FRMD5: variants seen among roughly 807,000 people sequenced by gnomAD.
FRMD5 encodes FERM domain-containing protein 5.
A neutral mutation model predicts 69.0 loss-of-function variants in FRMD5; 20 were observed. The ratio of observed to expected loss-of-function variants is 0.29; its 90% CI spans 0.20 to 0.42. The LOEUF (loss-of-function observed/expected upper bound fraction) is 0.42. FRMD5 is among the 10% of genes least tolerant of loss of function. The pLI, the probability that FRMD5 is intolerant of heterozygous loss-of-function variation, is 1.00. For synonymous variants in FRMD5, 271 were observed against 260.1 expected (o/e 1.04, Z -0.40); for missense variants, 595 against 708.6 (o/e 0.84, Z 1.82).
At chr15:44,025,260 C>T (rs1891380606) in intron 1 of FRMD5, among the ~76,000 whole-genome samples, 1 of 151,976 alleles carries the variant, frequency 6.6e-6, no homozygotes, top group South Asian at 2.1e-4. Context: ...TAATTAAATG[C>T]TATTGGAATG....
chr15:44,116,226 TAGAGAGAG>T (rs568214784), intron 1 of FRMD5, among the ~76,000 whole-genome samples: 4 of 148,288 alleles, frequency 2.7e-5, no homozygotes, highest in East Asian at 2.0e-4. Flanking sequence ...TATATATATA[TAGAGAGAG>T]AGAGAGAGGG....
chr15:43,961,725 C>T (rs2090204612), intron 1 of FRMD5, among the ~76,000 whole-genome samples: 1 of 152,184 alleles, frequency 6.6e-6, no homozygotes, highest in African/African-American at 2.4e-5. Flanking sequence ...TGGGCTTCAT[C>T]CCTGGGATGC....
intron 1 of FRMD5, among the ~76,000 whole-genome samples, chr15:44,155,066 A>G (rs2077505311): frequency 6.6e-6 from 1 of 152,222 alleles, no homozygotes; most frequent in Non-Finnish European, 1.5e-5. Context: ...TCATACATCT[A>G]TCAGCTAAAA....
intron 1 of FRMD5, among the ~76,000 whole-genome samples, chr15:44,120,315 G>T (rs1347193339): frequency 6.6e-6 from 1 of 152,122 alleles, no homozygotes; most frequent in Non-Finnish European, 1.5e-5. Context: ...CTGGAGCTCA[G>T]GCAAAAATAA....
At chr15:43,931,861 C>A (rs2089682290) in intron 1 of FRMD5, among the ~76,000 whole-genome samples, 1 of 152,128 alleles carries the variant, frequency 6.6e-6, no homozygotes, top group African/African-American at 2.4e-5. Context: ...CTTTTCAACT[C>A]TCCTATCAGG....
At chr15:43,964,212 T>C (rs1353597911) in intron 1 of FRMD5, among the ~76,000 whole-genome samples, 3 of 152,092 alleles carry the variant, frequency 2.0e-5, no homozygotes, top group Admixed American at 2.0e-4. Context: ...ATTTAAGAAA[T>C]GGCACACTAG....
chr15:44,028,343 G>T (rs1595643444), intron 1 of FRMD5, among the ~76,000 whole-genome samples: 1 of 152,222 alleles, frequency 6.6e-6, no homozygotes, highest in African/African-American at 2.4e-5. Flanking sequence ...TCCAGACTAT[G>T]CGAGATGGAA....
intron 1 of FRMD5, among the ~76,000 whole-genome samples, chr15:44,189,656 A>T (rs2078161762): frequency 6.6e-6 from 1 of 151,986 alleles, no homozygotes; most frequent in Admixed American, 6.6e-5. Flanking sequence ...ACACCTGGCT[A>T]ATTTTTGTAT....
chr15:43,932,139 C>T (rs951638989), intron 1 of FRMD5, among the ~76,000 whole-genome samples: 8 of 152,192 alleles, frequency 5.3e-5, no homozygotes, highest in African/African-American at 1.9e-4. Context: ...AGTTTTCGTG[C>T]CAACTTCCTC....
chr15:44,138,956 G>A (rs2140438960), intron 1 of FRMD5, among the ~76,000 whole-genome samples: 1 of 152,266 alleles, frequency 6.6e-6, no homozygotes, highest in Middle Eastern at 3.4e-3. Context: ...AAAAGAGAGT[G>A]GGGAGTAGGC....
chr15:43,879,531 G>C, intron 13 of FRMD5: 1 of 399,044 alleles, frequency 2.5e-6, no homozygotes, highest in Non-Finnish European at 4.4e-6. Context: ...CCCTTGCCCG[G>C]GGGTCACAGC....
intron 1 of FRMD5, among the ~76,000 whole-genome samples, chr15:43,943,966 T>C (rs1312701090): frequency 6.6e-6 from 1 of 152,192 alleles, no homozygotes; most frequent in Non-Finnish European, 1.5e-5. Flanking sequence ...GACCCCTCTT[T>C]CTACTTAGAG....
At chr15:44,115,843 C>T (rs971837892) in intron 1 of FRMD5, among the ~76,000 whole-genome samples, 1 of 152,118 alleles carries the variant, frequency 6.6e-6, no homozygotes, top group Non-Finnish European at 1.5e-5. Flanking sequence ...CAGCTGCAAA[C>T]GTAGAGTCAA....
chr15:44,105,850 C>T (rs993316318), intron 1 of FRMD5, among the ~76,000 whole-genome samples: 1 of 152,148 alleles, frequency 6.6e-6, no homozygotes, highest in Non-Finnish European at 1.5e-5. Flanking sequence ...TCTTATTAAG[C>T]TCACTACAGT....
At chr15:44,116,158 T>G (rs1027115208) in intron 1 of FRMD5, among the ~76,000 whole-genome samples, 16 of 151,014 alleles carry the variant, frequency 1.1e-4, no homozygotes, top group Non-Finnish European at 2.1e-4. Context: ...GAATAATGTT[T>G]CAGAATATAT....
At chr15:43,919,163 C>T in intron 4 of FRMD5, 1 of 502,452 alleles carries the variant, frequency 2.0e-6, no homozygotes, top group South Asian at 1.7e-5. Context: ...GTGGCAACAT[C>T]ATAGGTAAAA....
intron 1 of FRMD5, among the ~76,000 whole-genome samples, chr15:43,996,735 T>G (rs953560225): frequency 1.4e-5 from 2 of 147,874 alleles, no homozygotes; most frequent in African/African-American, 5.1e-5. Flanking sequence ...TTTTTTTTTT[T>G]TGTATACCAG....
In FRMD5 at chr15:43,964,504, A is replaced by C. The variant is rs529918078; in HGVS notation, c.103-40195T>G. On this transcript the variant is annotated intron_variant, in intron 1 of 13. Coordinates refer to ENST00000417257, the MANE Select transcript of FRMD5 (RefSeq NM_032892.5). The stretch of plus-strand genomic sequence containing the variant: ...TCAAACAAACAAACAAACAAACAAA[A>C]AAAAAAACAAAAGAAAAGAAAAAGA... Among the ~76,000 whole-genome samples, 324 of 150,392 alleles carry C rather than the reference A, an allele frequency of 2.2e-3. 1 individual carries two copies. The highest frequency in any genetic ancestry group is 3.4e-3 in the Middle Eastern group (1 of 290).
chr15:43,946,214 T>C (rs1302097601), intron 1 of FRMD5, among the ~76,000 whole-genome samples: 8 of 152,228 alleles, frequency 5.3e-5, no homozygotes, highest in Non-Finnish European at 1.0e-4. Flanking sequence ...TCTGCAGCTG[T>C]ATCTATTTCT....
Sources: allele counts gnomAD v4.1 joint callset (sites outside exome capture counted in the v4.1 genomes callset), GRCh38; gene constraint gnomAD v4.1.1; transcripts MANE v1.5; gene names NCBI Gene and HGNC (gene_info 2026-07-23, HGNC 2026-07-21).